The following TNRC6A variants were observed in gnomAD, a reference collection of about 807,000 sequenced individuals.
The protein encoded by TNRC6A is trinucleotide repeat-containing gene 6A protein.
A neutral mutation model predicts 221.2 loss-of-function variants in TNRC6A; 44 were observed. The observed-to-expected ratio is 0.20, with a 90% CI of 0.16 to 0.26. The LOEUF is 0.26. TNRC6A is among the 10% of genes least tolerant of loss of function. TNRC6A has a pLI of 1.00. For synonymous variants in TNRC6A, 847 were observed against 838.5 expected (o/e 1.01, Z -0.18); for missense variants, 2,199 against 2,404.4 (o/e 0.91, Z 1.79).
At chr16:24,804,912 C>T (rs2058399739) in intron 13 of TNRC6A, 61 bp downstream of exon 13, 2 of 1,613,494 alleles carry the variant, frequency 1.2e-6, no homozygotes, top group Non-Finnish European at 1.7e-6. Context: ...AATAAGATCT[C>T]TCTTACATGT....
chr16:24,748,343 T>G (rs2057058617), intron 2 of TNRC6A, among the ~76,000 whole-genome samples: 1 of 152,214 alleles, frequency 6.6e-6, no homozygotes, highest in Admixed American at 6.5e-5. Flanking sequence ...TTTACTCTGC[T>G]GCTCTCATAT....
chr16:24,723,313 G>A (rs2056442575), intron 2 of TNRC6A, among the ~76,000 whole-genome samples: 1 of 152,120 alleles, frequency 6.6e-6, no homozygotes, highest in Admixed American at 6.6e-5. Flanking sequence ...GTCCATGGTG[G>A]CAGGGCGCAG....
chr16:24,792,388 T>C (rs1300504853), intron 6 of TNRC6A, among the ~76,000 whole-genome samples: 1 of 152,222 alleles, frequency 6.6e-6, no homozygotes, highest in African/African-American at 2.4e-5. Context: ...TTGTTAAGTG[T>C]GATTGGCTAC....
At position 24,815,207 on chromosome 16, in the gene TNRC6A, A is replaced by G. The variant is rs770765062; in HGVS notation, c.4733A>G (p.Asn1578Ser). Residue 1578 changes from asparagine to serine, a missense_variant, in exon 19 of 25, where the codon AAC (asparagine) becomes AGC (serine). Around this residue, in one of 8 missense-constraint regions of TNRC6A, gnomAD observed 449 missense variants for 579.7 expected, o/e 0.77. Transcript: ENST00000395799. ...CCATTTGTTCCCTATGACTTTATGA[A>G]CAGCAGTACTTCACCAGCCAGTCCT... is the stretch of plus-strand genomic sequence containing the variant. Reference protein sequence around the residue: ...ESPFVPYDFMNSSTSPASPPG... With the variant: ...ESPFVPYDFMSSSTSPASPPG... 1 of 1,614,218 alleles carries G rather than the reference A, an allele frequency of 6.2e-7. No homozygotes were observed. The highest frequency in any genetic ancestry group is 8.5e-7 in the Non-Finnish European group (1 of 1,180,036).
intron 2 of TNRC6A, among the ~76,000 whole-genome samples, chr16:24,704,496 C>T (rs9635491): frequency 0.5 from 75,939 of 151,130 alleles, 20,636 homozygotes; most frequent in East Asian, 0.86. Flanking sequence ...GAAACCCCAT[C>T]TCTACTAAAA....
intron 4 of TNRC6A, among the ~76,000 whole-genome samples, chr16:24,762,564 G>A (rs2057386793): frequency 6.6e-6 from 1 of 152,166 alleles, no homozygotes; most frequent in African/African-American, 2.4e-5. Context: ...TCCAGAGCAG[G>A]GGCTGGGTAT....
chr16:24,703,374 TACTCA>T (rs1354929045), intron 2 of TNRC6A, among the ~76,000 whole-genome samples: 1 of 152,174 alleles, frequency 6.6e-6, no homozygotes, highest in Admixed American at 6.6e-5. Context: ...CATGTGTCAG[TACTCA>T]ACTCCTTTTT....
chr16:24,788,667 G>C (rs1350646276), intron 5 of TNRC6A, among the ~76,000 whole-genome samples: 2 of 70,906 alleles, frequency 2.8e-5, no homozygotes, highest in Admixed American at 2.9e-4. Context: ...TTTTTTTTTT[G>C]AGACGGAGTC....
chr16:24,749,085 T>A (rs912837744), intron 2 of TNRC6A, among the ~76,000 whole-genome samples: 1 of 152,038 alleles, frequency 6.6e-6, no homozygotes, highest in Non-Finnish European at 1.5e-5. Flanking sequence ...CAGGGCAGAG[T>A]TAGGTATTTT....
chr16:24,691,307 T>C (rs755760907), intron 2 of TNRC6A, among the ~76,000 whole-genome samples: 2 of 152,088 alleles, frequency 1.3e-5, no homozygotes, highest in Non-Finnish European at 2.9e-5. Flanking sequence ...AACCTCGAAC[T>C]CCTGGCCTCA....
chr16:24,782,021 A>G lies in TNRC6A; in HGVS notation c.589+4663A>G, dbSNP rs1036002550. 3.3e-5 allele frequency among the ~76,000 whole-genome samples: 5 copies of G among 152,066 alleles called. No individual in the cohort carries two copies. In the South Asian group the frequency reaches 1.0e-3, roughly 32 times the overall value. On this transcript the variant is annotated intron_variant, in intron 5 of 24. Coordinates refer to ENST00000395799, the MANE Select transcript of TNRC6A (RefSeq NM_014494.4). ...GTATTTTTAGTTGAGATGGGGTTTC[A>G]CCATGTTAGCCAGGGTGGTCTCCAT... is the stretch of plus-strand genomic sequence containing the variant.
intron 2 of TNRC6A, among the ~76,000 whole-genome samples, chr16:24,660,758 T>TC (rs2055015260): frequency 6.9e-6 from 1 of 145,482 alleles, no homozygotes; most frequent in Non-Finnish European, 1.5e-5. Flanking sequence ...TTTTTTTTTT[T>TC]TGAGACGGAG....
chr16:24,786,642 C>T (rs2057975989), intron 5 of TNRC6A, among the ~76,000 whole-genome samples: 1 of 151,948 alleles, frequency 6.6e-6, no homozygotes, highest in Non-Finnish European at 1.5e-5. Context: ...TAATCTGCAC[C>T]ACAGTTGTGT....
At chr16:24,671,235 A>G (rs2055294346) in intron 2 of TNRC6A, among the ~76,000 whole-genome samples, 1 of 152,172 alleles carries the variant, frequency 6.6e-6, no homozygotes. Flanking sequence ...GGTTGTCCTT[A>G]GGAAGATGGG....
intron 2 of TNRC6A, among the ~76,000 whole-genome samples, chr16:24,673,881 C>T (rs186522440): frequency 1.3e-3 from 196 of 152,208 alleles, no homozygotes; most frequent in African/African-American, 4.5e-3. Context: ...TCGTGAGAAC[C>T]GTGTAATGGG....
chr16:24,658,304 A>G (rs1284777427), intron 2 of TNRC6A, among the ~76,000 whole-genome samples: 4 of 152,288 alleles, frequency 2.6e-5, no homozygotes, highest in Admixed American at 6.6e-5. Context: ...TGCAAGGTAC[A>G]AAGCCATTTC....
At chr16:24,805,809 G>A in intron 15 of TNRC6A, 76 bp downstream of exon 15, 1 of 1,583,944 alleles carries the variant, frequency 6.3e-7, no homozygotes. Flanking sequence ...ACTCTGTGCG[G>A]GACATAGTGC....
intron 19 of TNRC6A, chr16:24,815,591 C>T (rs767689423): frequency 1.8e-5 from 7 of 381,426 alleles, no homozygotes; most frequent in Non-Finnish European, 3.5e-5. Context: ...CGCAGTGGCA[C>T]ATGCCAGTAA....
intron 2 of TNRC6A, among the ~76,000 whole-genome samples, chr16:24,686,569 A>T (rs1334478991): frequency 6.6e-6 from 1 of 152,056 alleles, no homozygotes; most frequent in African/African-American, 2.4e-5. Context: ...TCTTTCTTTC[A>T]TTTGTCAGTC....
Sources: allele counts gnomAD v4.1 joint callset (sites outside exome capture counted in the v4.1 genomes callset), GRCh38; gene constraint gnomAD v4.1.1; regional missense constraint gnomAD v4.1.1; transcripts MANE v1.5; gene names NCBI Gene and HGNC (gene_info 2026-07-23, HGNC 2026-07-21).